TAOK1: variants seen among roughly 807,000 people sequenced by gnomAD.
TAOK1 encodes TAO kinase 1.
A neutral mutation model predicts 138.3 loss-of-function variants in TAOK1; 21 were observed. The observed-to-expected ratio is 0.15, with a 90% CI of 0.11 to 0.22. The LOEUF is 0.22. Among genes scored for constraint, TAOK1 ranks in the 10% least tolerant of loss-of-function variants. The pLI, the probability that TAOK1 is intolerant of heterozygous loss-of-function variation, is 1.00. For synonymous variants in TAOK1, 361 were observed against 398.4 expected (o/e 0.91, Z 1.12); for missense variants, 651 against 1,227.7 (o/e 0.53, Z 7.02).
chr17:29,443,280 C>T (rs960588734), intron 1 of TAOK1, among the ~76,000 whole-genome samples: 3 of 152,174 alleles, frequency 2.0e-5, no homozygotes, highest in Admixed American at 2.0e-4. Context: ...AAGGAGCATT[C>T]CTCAAGTAAT....
chr17:29,525,482 G>A (rs1432347260), intron 17 of TAOK1, among the ~76,000 whole-genome samples: 1 of 150,974 alleles, frequency 6.6e-6, no homozygotes, highest in African/African-American at 2.4e-5. Context: ...TCTTCTCACT[G>A]CAACCTCTGC....
At chr17:29,466,393 T>C (rs1013533275) in intron 2 of TAOK1, among the ~76,000 whole-genome samples, 2 of 152,048 alleles carry the variant, frequency 1.3e-5, no homozygotes, top group Non-Finnish European at 2.9e-5. Context: ...ATCCACCCGC[T>C]TCACCCTCCC....
At chr17:29,514,997 TAAAAAAAAAAAAA>T (rs33933134) in intron 15 of TAOK1, 2 of 101,984 alleles carry the variant, frequency 2.0e-5, no homozygotes, top group Non-Finnish European at 3.8e-5. Flanking sequence ...AAATTCGATC[TAAAAAAAAAAAAA>T]AAAAAAAAAA....
rs563455864 is a variant in TAOK1, at chr17:29,483,849, T to A, written c.655+1561T>A. Among the ~76,000 whole-genome samples the A allele has an allele frequency of 8.7e-4, 132 of 152,310 alleles. 1 individual carries two copies. The highest frequency in any genetic ancestry group is 3.1e-3 in the African/African-American group (127 of 41,580). ...TAATCTCTATTCTTTTACCTATGAT[T>A]CTTTTTCCTACCCATAGGTCCTAAT... On this transcript the variant is annotated intron_variant, in intron 8 of 19. Transcript: ENST00000261716.
At chr17:29,398,883 T>G (rs1044287055) in intron 1 of TAOK1, among the ~76,000 whole-genome samples, 7 of 152,158 alleles carry the variant, frequency 4.6e-5, no homozygotes, top group African/African-American at 1.4e-4. Context: ...TAATGCTTGC[T>G]AAGTACTTAA....
chr17:29,476,257 T>C (rs1390843751), intron 4 of TAOK1, among the ~76,000 whole-genome samples: 1 of 152,224 alleles, frequency 6.6e-6, no homozygotes, highest in African/African-American at 2.4e-5. Flanking sequence ...TTTTGCCCTT[T>C]TGTTACCAGG....
chr17:29,495,837 A>G, intron 11 of TAOK1, 110 bp downstream of exon 11: 3 of 963,436 alleles, frequency 3.1e-6, no homozygotes, highest in Non-Finnish European at 2.9e-6. Context: ...TCCAGGTTGT[A>G]TTTTCTCAAC....
At chr17:29,419,596 G>A (rs1263989251) in intron 1 of TAOK1, among the ~76,000 whole-genome samples, 5 of 150,788 alleles carry the variant, frequency 3.3e-5, no homozygotes, top group African/African-American at 1.2e-4. Flanking sequence ...AGGCTCAAGC[G>A]ATTCTCCACC....
intron 3 of TAOK1, among the ~76,000 whole-genome samples, chr17:29,472,569 CTTTCT>C (rs1244054043): frequency 2.6e-5 from 3 of 114,516 alleles, no homozygotes; most frequent in Non-Finnish European, 5.0e-5. Flanking sequence ...GCCTTTCTTT[CTTTCT>C]TTTTTTTTTT....
chr17:29,530,398 TC>T lies in TAOK1; in HGVS notation c.2149-8del. ...CAACTTACATAAATGTATTTTTTTT[TC>T]TTCCCAGTCTAAAGAACTCCAAATA... On this transcript the variant is annotated splice_region_variant and splice_polypyrimidine_tract_variant and intron_variant, in intron 17 of 19. Transcript: ENST00000261716. The T allele has an allele frequency of 6.2e-7, 1 of 1,611,438 alleles. No individual in the cohort carries two copies. Among genetic ancestry groups the T allele is most frequent in the Non-Finnish European group, 8.5e-7 (1 of 1,178,108 alleles).
chr17:29,482,349 G>T (rs2031081813), intron 8 of TAOK1, 61 bp downstream of exon 8: 1 of 1,259,786 alleles, frequency 7.9e-7, no homozygotes, highest in African/African-American at 1.5e-5. Context: ...CTCAATTTCT[G>T]TACCAATCTA....
intron 2 of TAOK1, among the ~76,000 whole-genome samples, chr17:29,454,267 A>G (rs1475062996): frequency 6.6e-6 from 1 of 151,940 alleles, no homozygotes; most frequent in Non-Finnish European, 1.5e-5. Flanking sequence ...ATTCTATTCC[A>G]TTTATCTGTA....
intron 3 of TAOK1, among the ~76,000 whole-genome samples, chr17:29,470,401 G>C (rs190780298): frequency 9.2e-5 from 14 of 152,132 alleles, no homozygotes; most frequent in Admixed American, 6.5e-4. Context: ...TAGCATTTTA[G>C]AGTCTGCATT....
intron 1 of TAOK1, among the ~76,000 whole-genome samples, chr17:29,409,608 C>T (rs1482010437): frequency 6.6e-6 from 1 of 152,064 alleles, no homozygotes; most frequent in Non-Finnish European, 1.5e-5. Context: ...GCTGGGATTA[C>T]AGGCGTGAGC....
chr17:29,507,844 C>T (rs1446006309), intron 13 of TAOK1, 52 bp from the exon 14 acceptor site: 4 of 1,524,712 alleles, frequency 2.6e-6, no homozygotes, highest in Middle Eastern at 1.7e-4. Context: ...AAATGCTTTT[C>T]GAAGAAGAAT....
chr17:29,449,155 A>T (rs765896303), intron 1 of TAOK1, among the ~76,000 whole-genome samples: 2 of 152,218 alleles, frequency 1.3e-5, no homozygotes, highest in Admixed American at 6.5e-5. Context: ...TACGGTCTTA[A>T]GTAACACTGA....
intron 18 of TAOK1, 135 bp from the exon 19 acceptor site, chr17:29,533,983 T>A: frequency 1.1e-6 from 1 of 894,730 alleles, no homozygotes; most frequent in Non-Finnish European, 1.6e-6. Flanking sequence ...TACTCCAAGA[T>A]ACAAGAGAGA....
chr17:29,437,211 C>T (rs1906060859), intron 1 of TAOK1, among the ~76,000 whole-genome samples: 1 of 151,988 alleles, frequency 6.6e-6, no homozygotes, highest in Non-Finnish European at 1.5e-5. Context: ...CTACAGGTGC[C>T]TGCCACCACG....
At chr17:29,425,865 GTTTT>G (rs991146012) in intron 1 of TAOK1, among the ~76,000 whole-genome samples, 1 of 151,674 alleles carries the variant, frequency 6.6e-6, no homozygotes, top group Non-Finnish European at 1.5e-5. Flanking sequence ...AATGAATCAG[GTTTT>G]TTTTGTTTGT....
Sources: gnomAD v4.1 joint callset for allele counts (sites outside exome capture counted in the v4.1 genomes callset) on GRCh38, gnomAD v4.1.1 for gene constraint, MANE v1.5 for transcripts, NCBI Gene and HGNC (gene_info 2026-07-23, HGNC 2026-07-21) for gene names.